RHOBTB1: variants seen among roughly 807,000 people sequenced by gnomAD.
RHOBTB1 encodes the protein rho-related BTB domain-containing protein 1.
RHOBTB1 carries 40 observed loss-of-function variants against 71.6 expected under a neutral mutation model. That is an observed-to-expected ratio of 0.56 (90% confidence interval 0.43 to 0.73). The LOEUF (loss-of-function observed/expected upper bound fraction) is 0.73, where lower values mean the gene tolerates loss of function less well. Ranked by LOEUF, RHOBTB1 falls within the 30% of genes least tolerant of loss-of-function variation. The pLI, the probability that RHOBTB1 is intolerant of heterozygous loss-of-function variation, is 0.00. For missense variants in RHOBTB1, 797 were observed against 894.0 expected, an observed-to-expected ratio of 0.89 and a Z score of 1.38; for synonymous variants, 319 against 334.9, an observed-to-expected ratio of 0.95 and a Z score of 0.52.
intron 4 of RHOBTB1, among the ~76,000 whole-genome samples, chr10:60,905,024 T>C (rs917339478): frequency 1.3e-5 from 2 of 152,172 alleles, no homozygotes; most frequent in African/African-American, 4.8e-5. Context: ...CTTCCCTTAG[T>C]TACTTTGCTA....
chr10:60,931,444 T>C (rs1565030067), intron 2 of RHOBTB1, among the ~76,000 whole-genome samples: 1 of 152,232 alleles, frequency 6.6e-6, no homozygotes, highest in Non-Finnish European at 1.5e-5. Context: ...ATGTGGCCTA[T>C]TGTGTCTGTC....
intron 2 of RHOBTB1, among the ~76,000 whole-genome samples, chr10:60,918,098 C>T (rs575352014): frequency 6.6e-6 from 1 of 152,292 alleles, no homozygotes; most frequent in African/African-American, 2.4e-5. Context: ...CTGAACGAAT[C>T]ATCAAGTGTT....
chr10:60,871,219 T>G lies in RHOBTB1; in HGVS notation c.*263A>C. ...AGAAACAAAATAACAGACTAAAGTTTATTAAGCCTCCTAACAAAAAAAATA... is the reference window on the plus strand; with the variant it reads ...AGAAACAAAATAACAGACTAAAGTTGATTAAGCCTCCTAACAAAAAAAATA... On this transcript the variant is annotated 3_prime_UTR_variant, in exon 11 of 11. Coordinates refer to ENST00000337910, the MANE Select transcript of RHOBTB1 (RefSeq NM_014836.5). The G allele has an allele frequency of 2.9e-6, 1 of 348,550 alleles. No individual in the cohort carries two copies. The highest frequency in any genetic ancestry group is 4.6e-5 in the East Asian group (1 of 21,554). 21.6% of individuals were successfully genotyped at this position (348,550 alleles called of 1,614,324 possible).
intron 8 of RHOBTB1, among the ~76,000 whole-genome samples, chr10:60,876,645 C>T (rs2081066899): frequency 6.6e-6 from 1 of 152,130 alleles, no homozygotes; most frequent in African/African-American, 2.4e-5. Context: ...TGGAAGCCTC[C>T]CAGAGTGAGT....
At chr10:60,965,286 G>C (rs2085918621) in intron 2 of RHOBTB1, among the ~76,000 whole-genome samples, 1 of 151,956 alleles carries the variant, frequency 6.6e-6, no homozygotes, top group Non-Finnish European at 1.5e-5. Context: ...CTTGAGAATA[G>C]AGCATTTATT....
At chr10:60,949,050 C>G (rs1179009524), upstream of RHOBTB1, among the ~76,000 whole-genome samples, 1 of 152,178 alleles carries the variant, frequency 6.6e-6, no homozygotes, top group Non-Finnish European at 1.5e-5. Flanking sequence ...CTAGTGATGA[C>G]AAACAGGAAA....
chr10:60,892,714 G>A, intron 5 of RHOBTB1, 96 bp downstream of exon 5: 1 of 1,040,568 alleles, frequency 9.6e-7, no homozygotes, highest in Non-Finnish European at 1.4e-6. Flanking sequence ...TGGGATCCAG[G>A]AGTGTTGAAG....
intron 2 of RHOBTB1, among the ~76,000 whole-genome samples, chr10:60,927,021 G>T (rs1240424014): frequency 6.6e-6 from 1 of 152,108 alleles, no homozygotes; most frequent in Non-Finnish European, 1.5e-5. Context: ...AAATAGTAAA[G>T]TTTCAGGATA....
At position 60,892,709 on chromosome 10, in the gene RHOBTB1, T is replaced by A; in HGVS notation, c.482+101A>T. 3.0e-6 allele frequency: 3 copies of A among 1,016,360 alleles called. No individual in the cohort carries two copies. The South Asian group carries it at 5.1e-5, about 17-fold the overall frequency. 63.0% of individuals were successfully genotyped at this position (1,016,360 alleles called of 1,614,324 possible). On this transcript the variant is annotated intron_variant, in intron 5 of 10. Coordinates refer to ENST00000337910, the MANE Select transcript of RHOBTB1 (RefSeq NM_014836.5). ...TAAAACCCATGGCTGATTGATGGGA[T>A]CCAGGAGTGTTGAAGAGCAGAACAC...
chr10:60,898,946 G>A (rs1358630095), intron 4 of RHOBTB1, among the ~76,000 whole-genome samples: 2 of 152,146 alleles, frequency 1.3e-5, no homozygotes, highest in Admixed American at 1.3e-4. Context: ...GAAAGCAATG[G>A]CAAAAACCGC....
At position 60,872,192 on chromosome 10, in the gene RHOBTB1, T is replaced by C. The variant is rs2080824747; in HGVS notation, c.1914A>G (p.Lys638=). ...CSKFRKEIKS[K]SADNQEYFER... is the part of the protein sequence containing the mutation. The stretch of plus-strand genomic sequence containing the variant: ...GGCCTCACACAGTCTCACCTGCAGA[T>C]TTTGATTTGATTTCCTTACGGAACT... The change falls in exon 10 of 11, where the codon AAA becomes AAG. Residue 638 remains lysine (K), a synonymous_variant. Coordinates refer to ENST00000337910, the MANE Select transcript of RHOBTB1 (RefSeq NM_014836.5). 3 of 1,611,984 alleles carry C rather than the reference T, an allele frequency of 1.9e-6. No homozygotes were observed. The highest frequency in any genetic ancestry group is 2.7e-5 in the African/African-American group (2 of 74,834).
intron 4 of RHOBTB1, among the ~76,000 whole-genome samples, chr10:60,898,687 C>T (rs1279392254): frequency 6.6e-6 from 1 of 152,164 alleles, no homozygotes; most frequent in African/African-American, 2.4e-5. Context: ...TAGCGTGAGG[C>T]TTCTTAAGTA....
At chr10:60,949,519 C>G (rs2085341708) in intron 2 of RHOBTB1, among the ~76,000 whole-genome samples, 1 of 152,144 alleles carries the variant, frequency 6.6e-6, no homozygotes, top group Non-Finnish European at 1.5e-5. Context: ...TTTCTTCCCA[C>G]TGTTCTGGGG....
intron 2 of RHOBTB1, among the ~76,000 whole-genome samples, chr10:60,922,901 G>A (rs2083652992): frequency 1.3e-5 from 2 of 152,194 alleles, no homozygotes; most frequent in African/African-American, 4.8e-5. Context: ...TCAGGTGAGG[G>A]GGTGCTGCCT....
At chr10:60,886,006 G>C in intron 7 of RHOBTB1, 106 bp downstream of exon 7, 1 of 789,656 alleles carries the variant, frequency 1.3e-6, no homozygotes, top group African/African-American at 1.7e-5. Flanking sequence ...CACTCATGGA[G>C]CCAGTTTAAG....
chr10:60,886,063 C>T (rs1164267618), intron 7 of RHOBTB1, 49 bp downstream of exon 7: 2 of 1,334,382 alleles, frequency 1.5e-6, no homozygotes, highest in African/African-American at 2.9e-5. Flanking sequence ...AATACACAGG[C>T]ACACATACAT....
Position 60,888,239 on chromosome 10 carries a change from CTT to C in RHOBTB1, c.1427_1428del (p.Lys476ArgfsTer14). The C allele has an allele frequency of 1.2e-6, 2 of 1,613,948 alleles. No homozygotes were observed. Among genetic ancestry groups the C allele is most frequent in the Non-Finnish European group, 8.5e-7 (1 of 1,179,902 alleles). Reference protein sequence around the residue: ...AFHVRKANRIKECLSKGTFSD... With the variant: ...AFHVRKANRIXECLSKGTFSD... Reference sequence around the variant, plus strand: ...GAGAACGTTCCCTTGCTGAGACACTCTTTTATCCGATTGGCTTTCCTTACGTG... The same window carrying C: ...GAGAACGTTCCCTTGCTGAGACACTCTTATCCGATTGGCTTTCCTTACGTG... On this transcript the variant is annotated frameshift_variant, in exon 6 of 11. Transcript: ENST00000337910. LOFTEE classifies it high-confidence loss of function.
At chr10:60,933,231 T>C (rs1231275067) in intron 2 of RHOBTB1, among the ~76,000 whole-genome samples, 1 of 152,208 alleles carries the variant, frequency 6.6e-6, no homozygotes, top group African/African-American at 2.4e-5. Flanking sequence ...CAACTTTAGG[T>C]AGAAATTATT....
chr10:60,944,667 T>C (rs1263130911), upstream of RHOBTB1, among the ~76,000 whole-genome samples: 1 of 152,150 alleles, frequency 6.6e-6, no homozygotes. Context: ...GCAGCATGGC[T>C]TTCTTCCCCC....
Sources: gnomAD v4.1 joint callset for allele counts (sites outside exome capture counted in the v4.1 genomes callset) on GRCh38, gnomAD v4.1.1 for gene constraint, MANE v1.5 for transcripts, NCBI Gene and HGNC (gene_info 2026-07-23, HGNC 2026-07-21) for gene names.